Variants in CROCC2 observed in about 807,000 individuals in gnomAD.
CROCC2 encodes ciliary rootlet coiled-coil protein 2.
A neutral mutation model predicts 177.6 loss-of-function variants in CROCC2; 163 were observed. That is an observed-to-expected ratio of 0.92 (90% CI 0.81 to 1.05). CROCC2 has a LOEUF of 1.05. Among genes scored for constraint, CROCC2 ranks in the 50% least tolerant of loss-of-function variants. The pLI is 0.00. For synonymous variants in CROCC2, 904 were observed against 787.3 expected (o/e 1.15, Z -2.48); for missense variants, 1,929 against 1,797.8 (o/e 1.07, Z -1.32).
In CROCC2 at chr2:240,964,551, C is replaced by T; in HGVS notation, c.3391C>T (p.Leu1131=). ...GGCGTTGCAGCAGGAGGCCAGTGCA[C>T]TGCGGGCCCACCTGTGGGAGCTGGA... ...QAALQQEASA[L]RAHLWELEQA... is the part of the protein sequence containing the mutation. Residue 1131 remains leucine (L), a synonymous_variant, in exon 22 of 32, where the codon CTG becomes TTG. Transcript: ENST00000690015. 6.5e-7 allele frequency: 1 copy of T among 1,549,586 alleles called. No homozygotes were observed. The highest frequency in any genetic ancestry group is 8.7e-7 in the Non-Finnish European group (1 of 1,146,842).
intron 1 of CROCC2, among the ~76,000 whole-genome samples, chr2:240,915,205 G>A (rs1052985614): frequency 1.3e-5 from 2 of 152,184 alleles, no homozygotes; most frequent in Admixed American, 1.3e-4. Flanking sequence ...CCAAGGCCCT[G>A]GAATGGGGAA....
At position 240,935,452 on chromosome 2, in the gene CROCC2, A is replaced by T; in HGVS notation, c.2033A>T (p.Gln678Leu). 1 of 1,367,224 alleles carries T rather than the reference A, an allele frequency of 7.3e-7. No homozygotes were observed. Among genetic ancestry groups the T allele is most frequent in the Non-Finnish European group, 9.5e-7 (1 of 1,055,234 alleles). The allele number at this position is 1,367,224 out of a possible 1,614,324, so 84.7% of individuals were successfully genotyped here. A position where few individuals can be genotyped will look rare whatever the true frequency, so the allele number is the denominator to read the frequency against. The change falls in exon 14 of 32, where the codon CAG becomes CTG. Residue 678 changes from glutamine (Q) to leucine (L), a missense_variant. Transcript: ENST00000690015. ...AGEQLAQAEQ[Q>L]LALERAERRG... ...GAGCAGCTGGCACAGGCGGAGCAGC[A>T]GCTGGCGCTGGAGCGGGCAGAGCGC... is the stretch of plus-strand genomic sequence containing the variant.
chr2:240,967,561 T>C (rs535011082), intron 26 of CROCC2, 96 bp downstream of exon 26: 8 of 1,511,014 alleles, frequency 5.3e-6, no homozygotes, highest in Non-Finnish European at 7.1e-6. Context: ...TTTCAGTCCC[T>C]GGGGCAGCTC....
At chr2:240,942,322 A>T (rs1026904274) in intron 14 of CROCC2, among the ~76,000 whole-genome samples, 1 of 152,170 alleles carries the variant, frequency 6.6e-6, no homozygotes, top group Non-Finnish European at 1.5e-5. Context: ...TCTTTTCACA[A>T]ACATTTCAGT....
chr2:240,959,129 G>A, intron 19 of CROCC2, 172 bp from the exon 20 acceptor site: 1 of 688,198 alleles, frequency 1.5e-6, no homozygotes, highest in South Asian at 2.1e-5. Context: ...CAGCCTGTTT[G>A]ACAGTTTAGG....
chr2:240,948,518 C>A (rs2059535954), intron 15 of CROCC2, among the ~76,000 whole-genome samples: 1 of 152,196 alleles, frequency 6.6e-6, no homozygotes, highest in African/African-American at 2.4e-5. Flanking sequence ...GATAAACACC[C>A]AGCACAGGGC....
chr2:240,948,739 G>C (rs2059536956), intron 15 of CROCC2, among the ~76,000 whole-genome samples: 1 of 152,174 alleles, frequency 6.6e-6, no homozygotes, highest in Non-Finnish European at 1.5e-5. Context: ...CGTATGTGGG[G>C]GTCCAGTTGC....
rs1397867994 is a variant in CROCC2 at position 240,993,185 on chromosome 2, C to T, written c.*104C>T. On this transcript the variant is annotated 3_prime_UTR_variant, in exon 32 of 32. Transcript: ENST00000690015. ...TTCTCAGCGTCACAGTGAAAGGCACCCGTGATGAGACAGCTCGCTCTCGGC... is the reference window on the plus strand; with the variant it reads ...TTCTCAGCGTCACAGTGAAAGGCACTCGTGATGAGACAGCTCGCTCTCGGC... 6 of 678,346 alleles carry T rather than the reference C, an allele frequency of 8.8e-6. No homozygotes were observed. The highest frequency in any genetic ancestry group is 1.8e-5 in the African/African-American group (1 of 56,182). The allele number at this position is 678,346 out of a possible 1,614,324, so 42.0% of individuals were successfully genotyped here.
At chr2:240,971,812 G>A (rs1171675998) in intron 27 of CROCC2, among the ~76,000 whole-genome samples, 1 of 151,970 alleles carries the variant, frequency 6.6e-6, no homozygotes, top group Non-Finnish European at 1.5e-5. Flanking sequence ...CTTCAATCTT[G>A]AATTTCTCCT....
chr2:240,906,563 C>T lies in CROCC2; in HGVS notation c.50C>T (p.Pro17Leu), dbSNP rs1301001075. ...EPGNGDASQQ[P>L]LLGLDTVIQR... is the part of the protein sequence containing the mutation. Reference sequence around the variant, plus strand: ...GGCAATGGGGACGCCTCCCAACAGCCCCTACTGGGGCTGGACACCGTGATC... The same window carrying T: ...GGCAATGGGGACGCCTCCCAACAGCTCCTACTGGGGCTGGACACCGTGATC... The change falls in exon 1 of 32, where the codon CCC becomes CTC. Residue 17 changes from proline (P) to leucine (L), a missense_variant. This residue lies in a region of CROCC2 where 1,397 missense variants were observed against 1,239.9 expected (regional missense o/e 1.13). Transcript: ENST00000690015. 2.5e-6 allele frequency: 1 copy of T among 399,068 alleles called. No individual in the cohort carries two copies. Among genetic ancestry groups the T allele is most frequent in the Non-Finnish European group, 4.4e-6 (1 of 226,156 alleles). 24.7% of individuals were successfully genotyped at this position (399,068 alleles called of 1,614,324 possible).
At chr2:240,974,077 C>T (rs528644616) in intron 27 of CROCC2, among the ~76,000 whole-genome samples, 12 of 152,316 alleles carry the variant, frequency 7.9e-5, no homozygotes, top group African/African-American at 2.4e-4. Flanking sequence ...CCTGCACATA[C>T]GTCTGCTTAG....
intron 5 of CROCC2, among the ~76,000 whole-genome samples, chr2:240,928,452 G>A (rs1389022950): frequency 6.7e-6 from 1 of 149,514 alleles, no homozygotes; most frequent in African/African-American, 2.5e-5. Flanking sequence ...GTGTGTGTGT[G>A]TAGCAAGAAA....
Position 240,967,332 on chromosome 2 carries a change from T to C in CROCC2, c.4147-13T>C. 1.5e-6 allele frequency: 1 copy of C among 688,004 alleles called. No homozygotes were observed. The highest frequency in any genetic ancestry group is 2.1e-5 in the Admixed American group (1 of 48,702). 42.6% of individuals were successfully genotyped at this position (688,004 alleles called of 1,614,324 possible). A position where few individuals can be genotyped will look rare whatever the true frequency, so the allele number is the denominator to read the frequency against. On this transcript the variant is annotated splice_polypyrimidine_tract_variant and intron_variant, in intron 25 of 31. Transcript: ENST00000690015. Reference sequence around the variant, plus strand: ...ATTGGACTGCCCCCGCTGACCTCAGTCCTTCTGCCCAGGATGACTCCCGCA... The same window carrying C: ...ATTGGACTGCCCCCGCTGACCTCAGCCCTTCTGCCCAGGATGACTCCCGCA...
rs1481598708 is a variant in CROCC2 at position 240,920,129 on chromosome 2, G to A, written c.376G>A (p.Glu126Lys). Residue 126 changes from glutamate to lysine, a missense_variant, in exon 3 of 32, where the codon GAG (glutamate) becomes AAG (lysine). This residue lies in a region of CROCC2 where 1,397 missense variants were observed against 1,239.9 expected (regional missense o/e 1.13). Coordinates refer to ENST00000690015, the MANE Select transcript of CROCC2 (RefSeq NM_001351305.2). Reference protein sequence around the residue: ...ELASRCRVVSEQLQARLETTE... With the variant: ...ELASRCRVVSKQLQARLETTE... ...GGCCAGCAGGTGCCGTGTGGTCAGCGAGCAGGTGCGTGTGTGCAGCAGACT... is the reference window on the plus strand; with the variant it reads ...GGCCAGCAGGTGCCGTGTGGTCAGCAAGCAGGTGCGTGTGTGCAGCAGACT... 2.9e-6 allele frequency: 2 copies of A among 685,908 alleles called. No individual in the cohort carries two copies. Among genetic ancestry groups the A allele is most frequent in the South Asian group, 3.1e-5 (2 of 63,546 alleles). The allele number at this position is 685,908 out of a possible 1,614,324, so 42.5% of individuals were successfully genotyped here. A position where few individuals can be genotyped will look rare whatever the true frequency, so the allele number is the denominator to read the frequency against.
Position 240,960,914 on chromosome 2 carries a change from G to A in CROCC2, c.3087+1470G>A, listed in dbSNP as rs1336942007. On this transcript the variant is annotated intron_variant, in intron 20 of 31. Transcript: ENST00000690015. The surrounding 1 kb of genome is among the most constrained non-coding windows in gnomAD (Gnocchi z 5.0). ...AAACGAGATTGCAAAACTGGGGGCAGCAGGGGGAGGGGGAGGGGGAGGTGT... is the reference window on the plus strand; with the variant it reads ...AAACGAGATTGCAAAACTGGGGGCAACAGGGGGAGGGGGAGGGGGAGGTGT... Among the ~76,000 whole-genome samples, 1 of 150,154 alleles carries A rather than the reference G, an allele frequency of 6.7e-6. No individual in the cohort carries two copies. Among genetic ancestry groups the A allele is most frequent in the East Asian group, 2.0e-4 (1 of 5,014 alleles).
intron 28 of CROCC2, among the ~76,000 whole-genome samples, chr2:240,988,467 T>C (rs1167484395): frequency 1.3e-5 from 2 of 152,260 alleles, no homozygotes; most frequent in Admixed American, 6.5e-5. Flanking sequence ...GAGTCCCCCA[T>C]TGAGGATGTT....
At chr2:240,947,735 C>T (rs1212146873) in intron 15 of CROCC2, among the ~76,000 whole-genome samples, 1 of 152,186 alleles carries the variant, frequency 6.6e-6, no homozygotes, top group Non-Finnish European at 1.5e-5. Flanking sequence ...TCCTCAGGCC[C>T]TGACAAGGCT....
chr2:240,982,895 C>T lies in CROCC2; in HGVS notation c.4417C>T (p.Leu1473=). The part of the protein sequence containing the change: ...KRRLQEQLET[L]RQALEESRRH... ...TTCCCCCCAGGAGCAACTGGAAACGCTGCGCCAGGCTCTTGAAGAGAGCAG... is the reference window on the plus strand; with the variant it reads ...TTCCCCCCAGGAGCAACTGGAAACGTTGCGCCAGGCTCTTGAAGAGAGCAG... The change falls in exon 28 of 32, where the codon CTG becomes TTG. Residue 1473 remains leucine (L), a synonymous_variant. Coordinates refer to ENST00000690015, the MANE Select transcript of CROCC2 (RefSeq NM_001351305.2). The surrounding 1 kb of genome is among the most constrained non-coding windows in gnomAD (Gnocchi z 4.7). 1 of 1,549,090 alleles carries T rather than the reference C, an allele frequency of 6.5e-7. No individual in the cohort carries two copies. The highest frequency in any genetic ancestry group is 1.4e-5 in the African/African-American group (1 of 73,142).
At position 240,932,853 on chromosome 2, in the gene CROCC2, A is replaced by G. The variant is rs1004232173; in HGVS notation, c.1196A>G (p.Asp399Gly). ...PPHICSPATL[D>G]PALQAMRAAI... is the part of the protein sequence containing the mutation. ...CACATCTGCTCCCCAGCCACCCTGG[A>G]CCCCGCACTGCAGGCCATGCGGGCA... The change falls in exon 9 of 32, where the codon GAC (aspartate) becomes GGC (glycine). Residue 399 changes from aspartate to glycine, a missense_variant. Asp to Gly is a moderately conservative substitution (Grantham distance 94). Coordinates refer to ENST00000690015, the MANE Select transcript of CROCC2 (RefSeq NM_001351305.2). 6.5e-6 allele frequency: 10 copies of G among 1,546,054 alleles called. No individual in the cohort carries two copies. Among genetic ancestry groups the G allele is most frequent in the Non-Finnish European group, 8.7e-6 (10 of 1,145,138 alleles).
Sources: allele counts gnomAD v4.1 joint callset (sites outside exome capture counted in the v4.1 genomes callset), GRCh38; gene constraint gnomAD v4.1.1; regional missense constraint gnomAD v4.1.1; non-coding constraint Gnocchi (gnomAD v3.1); transcripts MANE v1.5; gene names NCBI Gene and HGNC (gene_info 2026-07-23, HGNC 2026-07-21).